Variants in CCSER1 observed in about 807,000 individuals in gnomAD.
The protein encoded by CCSER1 is coiled-coil serine rich protein 1, also known as serine-rich coiled-coil domain-containing protein 1.
A neutral mutation model predicts 82.0 loss-of-function variants in CCSER1; 41 were observed. The ratio of observed to expected loss-of-function variants is 0.50; its 90% CI spans 0.39 to 0.65. The LOEUF (loss-of-function observed/expected upper bound fraction) is 0.65, where lower values mean the gene tolerates loss of function less well. CCSER1 is among the 30% of genes least tolerant of loss of function. The probability of loss-of-function intolerance (pLI) is 0.00; values close to 1 mark genes in which losing one functional copy is unlikely to be tolerated. For missense variants in CCSER1, 1,119 were observed against 1,064.2 expected (o/e 1.05, Z -0.72); for synonymous variants, 414 against 383.9 (o/e 1.08, Z -0.92).
rs535800188 is a variant in CCSER1, at chr4:90,260,226, C to G, written c.-41-48018C>G. ...ATATTTCTAAGAATTTATCCATTTC[C>G]TCTGGGTTTTCTAGTTTGTGCATGT... On this transcript the variant is annotated intron_variant, in intron 1 of 10. Transcript: ENST00000509176. 4.6e-5 allele frequency among the ~76,000 whole-genome samples: 7 copies of G among 152,152 alleles called. No homozygotes were observed. The South Asian group carries it at 1.5e-3, about 32-fold the overall frequency.
chr4:91,501,991 G>A lies in CCSER1; in HGVS notation c.2218-96581G>A, dbSNP rs576918126. Among the ~76,000 whole-genome samples, 19 of 152,234 alleles carry A rather than the reference G, an allele frequency of 1.2e-4. 1 individual carries two copies. The East Asian group carries it at 3.7e-3, about 29-fold the overall frequency. On this transcript the variant is annotated intron_variant, in intron 10 of 10. Transcript: ENST00000509176. ...GTTGTCCATTTGTGTTAGTTAATTG[G>A]CTTTAGACAAAGGAAAAATAAAACT...
rs373209732 is a variant in CCSER1 at position 90,628,210 on chromosome 4, A to G, written c.1910A>G (p.Lys637Arg). 440 of 1,613,432 alleles carry G rather than the reference A, an allele frequency of 2.7e-4. 1 individual carries two copies. Among genetic ancestry groups the G allele is most frequent in the Non-Finnish European group, 3.6e-4 (419 of 1,179,634 alleles). ...ACGGCAGTCAAGACGTTATTATTAA[A>G]GATGAAGAGAGTTCTTCAAGAGGTA... ...DCTAVKTLLL[K>R]MKRVLQESAD... is the part of the protein sequence containing the mutation. The change falls in exon 6 of 11, where the codon AAG becomes AGG. Residue 637 changes from lysine to arginine, a missense_variant. Lys to Arg is a conservative substitution (Grantham distance 26). Transcript: ENST00000509176.
intron 4 of CCSER1, among the ~76,000 whole-genome samples, chr4:90,412,162 T>C (rs1481398605): frequency 6.6e-6 from 1 of 151,846 alleles, no homozygotes; most frequent in Non-Finnish European, 1.5e-5. Flanking sequence ...ATATCCTTTG[T>C]AGGGACATGG....
intron 4 of CCSER1, among the ~76,000 whole-genome samples, chr4:90,459,621 G>GT (rs1383000545): frequency 1.3e-5 from 2 of 151,946 alleles, no homozygotes; most frequent in African/African-American, 2.4e-5. Flanking sequence ...TGTCTTCGAT[G>GT]TTTTTTCCAC....
At chr4:91,182,033 C>T (rs571168069) in intron 10 of CCSER1, among the ~76,000 whole-genome samples, 55 of 152,312 alleles carry the variant, frequency 3.6e-4, no homozygotes, top group African/African-American at 1.2e-3. Context: ...TTCATTGTGA[C>T]TGGTTGTCCC....
At chr4:90,918,281 G>T (rs1727817685) in intron 8 of CCSER1, 1 of 453,704 alleles carries the variant, frequency 2.2e-6, no homozygotes, top group South Asian at 1.6e-5. Context: ...GTTTTTGAAA[G>T]TTCATCTTTT....
chr4:91,491,682 T>G (rs1461251997), intron 10 of CCSER1, among the ~76,000 whole-genome samples: 1 of 152,136 alleles, frequency 6.6e-6, no homozygotes, highest in Non-Finnish European at 1.5e-5. Context: ...TTTAAAAAGT[T>G]TAACTAAAGC....
chr4:91,307,919 A>G (rs111893741), intron 10 of CCSER1, among the ~76,000 whole-genome samples: 1 of 152,080 alleles, frequency 6.6e-6, no homozygotes, highest in Non-Finnish European at 1.5e-5. Context: ...TAAATGGCCC[A>G]TTAGAGTACA....
intron 7 of CCSER1, among the ~76,000 whole-genome samples, chr4:90,777,181 A>AC (rs1361546441): frequency 6.6e-6 from 1 of 151,812 alleles, no homozygotes; most frequent in African/African-American, 2.4e-5. Context: ...ACATGGTGAA[A>AC]CCCCATCTCT....
At chr4:90,750,432 G>A (rs939819973) in intron 7 of CCSER1, among the ~76,000 whole-genome samples, 2 of 152,042 alleles carry the variant, frequency 1.3e-5, no homozygotes, top group Non-Finnish European at 2.9e-5. Flanking sequence ...ACTTTGTTAG[G>A]TGCACAGCTT....
chr4:90,668,003 T>G (rs886683377), intron 6 of CCSER1, among the ~76,000 whole-genome samples: 1 of 152,172 alleles, frequency 6.6e-6, no homozygotes, highest in South Asian at 2.1e-4. Context: ...TATTATTGCT[T>G]GTGTGTGATG....
At chr4:91,597,395 G>A (rs552691616) in intron 10 of CCSER1, among the ~76,000 whole-genome samples, 4 of 152,172 alleles carry the variant, frequency 2.6e-5, no homozygotes, top group East Asian at 1.9e-4. Flanking sequence ...GGAAGAAAGA[G>A]TAGAAATGAA....
At chr4:91,535,465 A>G (rs1761249581) in intron 10 of CCSER1, among the ~76,000 whole-genome samples, 1 of 135,814 alleles carries the variant, frequency 7.4e-6, no homozygotes, top group Non-Finnish European at 1.6e-5. Context: ...TCACAAAATG[A>G]AAAATAAAAA....
chr4:90,624,674 A>G (rs6829613), intron 5 of CCSER1, among the ~76,000 whole-genome samples: 73,917 of 152,018 alleles, frequency 0.49, 21,579 homozygotes, highest in African/African-American at 0.82. Flanking sequence ...ACTCATTCGA[A>G]AATCCACTTA....
chr4:91,579,214 G>A (rs1234710765), intron 10 of CCSER1, among the ~76,000 whole-genome samples: 2 of 151,172 alleles, frequency 1.3e-5, no homozygotes, highest in Non-Finnish European at 1.5e-5. Context: ...ATTTTTGTTT[G>A]TTTATCATTT....
rs1414113092 is a variant in CCSER1, at chr4:91,179,217, G to C, written c.2217+93223G>C. Reference sequence around the variant, plus strand: ...CCTTTGTGGGTAACCCAACCTTTCTGTCTGGCTGCCCTTAAAATTTTTTCC... The same window carrying C: ...CCTTTGTGGGTAACCCAACCTTTCTCTCTGGCTGCCCTTAAAATTTTTTCC... On this transcript the variant is annotated intron_variant, in intron 10 of 10. Transcript: ENST00000509176. 7.9e-5 allele frequency among the ~76,000 whole-genome samples: 12 copies of C among 152,198 alleles called. No individual in the cohort carries two copies. The East Asian group carries it at 2.1e-3, about 27-fold the overall frequency.
At chr4:91,139,539 G>A (rs1728824353) in intron 10 of CCSER1, among the ~76,000 whole-genome samples, 2 of 152,194 alleles carry the variant, frequency 1.3e-5, no homozygotes, top group Admixed American at 1.3e-4. Context: ...GTGTGATGCA[G>A]AGAAGGGGAC....
At chr4:90,764,653 T>G (rs773038759) in intron 7 of CCSER1, among the ~76,000 whole-genome samples, 7 of 152,110 alleles carry the variant, frequency 4.6e-5, no homozygotes, top group African/African-American at 1.7e-4. Flanking sequence ...AAATATCAAT[T>G]GTAATATTGG....
chr4:90,211,526 C>T (rs889321966), intron 1 of CCSER1, among the ~76,000 whole-genome samples: 9 of 152,150 alleles, frequency 5.9e-5, no homozygotes, highest in African/African-American at 2.2e-4. Flanking sequence ...ACAAGAAAAG[C>T]ACGAATGCCA....
Sources: allele counts gnomAD v4.1 joint callset (sites outside exome capture counted in the v4.1 genomes callset), GRCh38; gene constraint gnomAD v4.1.1; transcripts MANE v1.5; gene names NCBI Gene and HGNC (gene_info 2026-07-23, HGNC 2026-07-21).